The following STAM2 variants were observed in gnomAD, a reference collection of about 807,000 sequenced individuals.
STAM2 encodes the protein signal transducing adaptor molecule 2.
STAM2 carries 51 observed loss-of-function variants against 65.6 expected under a neutral mutation model. The ratio of observed to expected loss-of-function variants is 0.78; its 90% CI spans 0.62 to 0.98. The LOEUF is 0.98. Among genes scored for constraint, STAM2 ranks in the 50% least tolerant of loss-of-function variants. STAM2 has a pLI of 0.00. For synonymous variants in STAM2, 198 were observed against 208.4 expected, an observed-to-expected ratio of 0.95 and a Z score of 0.43; for missense variants, 584 against 617.8, an observed-to-expected ratio of 0.95 and a Z score of 0.58.
chr2:152,131,963 C>T (rs1689072153), intron 11 of STAM2, 151 bp downstream of exon 11: 6 of 575,774 alleles, frequency 1.0e-5, no homozygotes, highest in Non-Finnish European at 1.8e-5. Context: ...AAAGCACCAC[C>T]TTGCTATAAA....
intron 12 of STAM2, among the ~76,000 whole-genome samples, chr2:152,125,423 T>C (rs1390730971): frequency 6.6e-6 from 1 of 152,236 alleles, no homozygotes; most frequent in African/African-American, 2.4e-5. Context: ...CTCCTTCACA[T>C]GCACCTTTAC....
In STAM2 at chr2:152,117,239, G is replaced by A. The variant is rs1215852525; in HGVS notation, c.*3335C>T. On this transcript the variant is annotated 3_prime_UTR_variant, in exon 14 of 14. Coordinates refer to ENST00000263904, the MANE Select transcript of STAM2 (RefSeq NM_005843.6). The stretch of plus-strand genomic sequence containing the variant: ...CTGTCAGGCCGGAGTGCAGTGGCGT[G>A]ATCACACCTCACTGCAGCCTCAAGC... 1 of 152,156 alleles carries A rather than the reference G, an allele frequency of 6.6e-6. No individual in the cohort carries two copies. The highest frequency in any genetic ancestry group is 1.5e-5 in the Non-Finnish European group (1 of 68,044). The allele number at this position is 152,156 out of a possible 1,614,324, so 9.4% of individuals were successfully genotyped here.
chr2:152,141,138 C>CAAAAAAAAAA (rs72256027), intron 7 of STAM2, among the ~76,000 whole-genome samples: 1 of 109,644 alleles, frequency 9.1e-6, no homozygotes, highest in African/African-American at 3.5e-5. Flanking sequence ...GACCCTGTCT[C>CAAAAAAAAAA]AAAAAAAAAA....
intron 5 of STAM2, among the ~76,000 whole-genome samples, chr2:152,145,259 G>T (rs923363431): frequency 2.6e-5 from 4 of 152,084 alleles, no homozygotes; most frequent in Non-Finnish European, 1.5e-5. Flanking sequence ...TGTAGAGACA[G>T]GGTCTCACTA....
intron 13 of STAM2, among the ~76,000 whole-genome samples, 168 bp downstream of exon 13, chr2:152,123,598 G>C (rs866039393): frequency 1.3e-5 from 2 of 152,052 alleles, no homozygotes; most frequent in Non-Finnish European, 2.9e-5. Context: ...GCTTAAGGGC[G>C]GGCAATAATC....
intron 1 of STAM2, among the ~76,000 whole-genome samples, chr2:152,154,382 C>G (rs748802645): frequency 6.6e-6 from 1 of 152,148 alleles, no homozygotes; most frequent in Non-Finnish European, 1.5e-5. Flanking sequence ...CTTGAGAGGC[C>G]AAGGTGGGCA....
intron 11 of STAM2, among the ~76,000 whole-genome samples, chr2:152,130,218 T>C (rs1233002743): frequency 6.6e-6 from 1 of 152,158 alleles, no homozygotes; most frequent in African/African-American, 2.4e-5. Flanking sequence ...CCTGAAAGTC[T>C]ACCCCCTTCA....
chr2:152,130,352 C>T (rs1323836796), intron 11 of STAM2, among the ~76,000 whole-genome samples: 4 of 151,812 alleles, frequency 2.6e-5, no homozygotes, highest in Non-Finnish European at 5.9e-5. Flanking sequence ...CCTGGGTTAA[C>T]GCCATTCTCC....
chr2:152,126,811 C>T (rs1452588783), intron 11 of STAM2, among the ~76,000 whole-genome samples: 2 of 152,202 alleles, frequency 1.3e-5, no homozygotes, highest in African/African-American at 4.8e-5. Context: ...GTAACTTCAG[C>T]CTCTGAATGG....
chr2:152,147,218 C>A lies in STAM2; in HGVS notation c.391G>T (p.Ala131Ser). Reference sequence around the variant, plus strand: ...TCTTCTTTCATAGATTTAATAGTTGCAGATATCAGACTAAACTGAGGGTCC... The same window carrying A: ...TCTTCTTTCATAGATTTAATAGTTGAAGATATCAGACTAAACTGAGGGTCC... ...QKDPQFSLIS[A>S]TIKSMKEEGI... Residue 131 changes from alanine to serine, a missense_variant, in exon 5 of 14, where the codon GCA (alanine) becomes TCA (serine). Ala to Ser is a moderately conservative substitution (Grantham distance 99). Transcript: ENST00000263904. 2 of 1,611,436 alleles carry A rather than the reference C, an allele frequency of 1.2e-6. No homozygotes were observed. The highest frequency in any genetic ancestry group is 1.1e-5 in the South Asian group (1 of 90,484).
At chr2:152,166,372 C>T (rs1258119783) in intron 1 of STAM2, among the ~76,000 whole-genome samples, 2 of 152,062 alleles carry the variant, frequency 1.3e-5, no homozygotes, top group African/African-American at 2.4e-5. Context: ...AAAAAAATAA[C>T]AAGAGATAAA....
At chr2:152,175,510 A>G (rs953727765) in intron 1 of STAM2, 93 bp downstream of exon 1, 27 of 1,516,826 alleles carry the variant, frequency 1.8e-5, no homozygotes, top group Non-Finnish European at 2.4e-5. Flanking sequence ...TTTGCTTCCT[A>G]GTCCCCGGAG....
At chr2:152,147,972 C>T (rs997128755) in intron 4 of STAM2, 52 bp downstream of exon 4, 4 of 1,346,102 alleles carry the variant, frequency 3.0e-6, no homozygotes, top group Non-Finnish European at 4.2e-6. Flanking sequence ...TATAATGACA[C>T]ACAATCTACA....
intron 5 of STAM2, 89 bp from the exon 6 acceptor site, chr2:152,145,046 A>T: frequency 1.0e-6 from 1 of 985,012 alleles, no homozygotes. Context: ...ATTTTAAAAA[A>T]TACTGATATA....
intron 8 of STAM2, among the ~76,000 whole-genome samples, chr2:152,134,189 A>G (rs1314407950): frequency 6.6e-6 from 1 of 152,204 alleles, no homozygotes; most frequent in East Asian, 1.9e-4. Flanking sequence ...TAGCCAAACA[A>G]TTTTAAATCC....
chr2:152,170,614 G>A (rs545690088), intron 1 of STAM2, among the ~76,000 whole-genome samples: 11 of 152,198 alleles, frequency 7.2e-5, no homozygotes, highest in Admixed American at 2.6e-4. Context: ...AACAGATAAT[G>A]CATATTCATA....
At position 152,123,749 on chromosome 2, in the gene STAM2, C is replaced by G; in HGVS notation, c.1349+17G>C. On this transcript the variant is annotated intron_variant, in intron 13 of 13. Coordinates refer to ENST00000263904, the MANE Select transcript of STAM2 (RefSeq NM_005843.6). ...AAAATTAACACATATAAAATTAACACAGCTCCCAAAACTTACCTTAAATAT... is the reference window on the plus strand; with the variant it reads ...AAAATTAACACATATAAAATTAACAGAGCTCCCAAAACTTACCTTAAATAT... 6.2e-7 allele frequency: 1 copy of G among 1,612,594 alleles called. No homozygotes were observed. Among genetic ancestry groups the G allele is most frequent in the Non-Finnish European group, 8.5e-7 (1 of 1,179,188 alleles).
rs1290551717 is a variant in STAM2 at position 152,173,363 on chromosome 2, CATAT to C, written c.40+2236_40+2239del. Among the ~76,000 whole-genome samples the C allele has an allele frequency of 2.7e-5, 4 of 146,300 alleles. No individual in the cohort carries two copies. In the Admixed American group the frequency reaches 2.8e-4, roughly 10 times the overall value. On this transcript the variant is annotated intron_variant, in intron 1 of 13. Coordinates refer to ENST00000263904, the MANE Select transcript of STAM2 (RefSeq NM_005843.6). ...GTGTGTCTGTGGGCGTATATACACACATATATATACATATATATATATATGTATA... is the reference window on the plus strand; with the variant it reads ...GTGTGTCTGTGGGCGTATATACACACATATACATATATATATATATGTATA...
rs767480803 is a variant in STAM2, at chr2:152,175,628, G to T, written c.15C>A (p.Thr5=). 1 of 1,613,810 alleles carries T rather than the reference G, an allele frequency of 6.2e-7. No individual in the cohort carries two copies. Among genetic ancestry groups the T allele is most frequent in the Non-Finnish European group, 8.5e-7 (1 of 1,179,900 alleles). The change falls in exon 1 of 14, where the codon ACC becomes ACA. Residue 5 remains threonine (T), a synonymous_variant. Coordinates refer to ENST00000263904, the MANE Select transcript of STAM2 (RefSeq NM_005843.6). The part of the protein sequence containing the change: MPLF[T]ANPFEQDVEK... ...CCACGTCTTGCTCGAAGGGGTTGGC[G>T]GTGAACAAAGGCATCTCGCCGGCGC...
Sources: allele counts gnomAD v4.1 joint callset (sites outside exome capture counted in the v4.1 genomes callset), GRCh38; gene constraint gnomAD v4.1.1; transcripts MANE v1.5; gene names NCBI Gene and HGNC (gene_info 2026-07-23, HGNC 2026-07-21).